The following ANO1 variants were observed in gnomAD, a reference collection of about 807,000 sequenced individuals.
The protein encoded by ANO1 is anoctamin 1, also known as anoctamin-1.
ANO1 carries 59 observed loss-of-function variants against 124.0 expected under a neutral mutation model. That is an observed-to-expected ratio of 0.48 (90% CI 0.39 to 0.59). The LOEUF (loss-of-function observed/expected upper bound fraction) is 0.59, where lower values mean the gene tolerates loss of function less well. Among genes scored for constraint, ANO1 ranks in the 20% least tolerant of loss-of-function variants. The probability of loss-of-function intolerance (pLI) is 0.00; values close to 1 mark genes in which losing one functional copy is unlikely to be tolerated. For synonymous variants in ANO1, 529 were observed against 532.0 expected (o/e 0.99, Z 0.08); for missense variants, 1,059 against 1,328.0 (o/e 0.80, Z 3.15).
At chr11:70,115,852 C>A (rs1317048466) in intron 7 of ANO1, among the ~76,000 whole-genome samples, 1 of 152,154 alleles carries the variant, frequency 6.6e-6, no homozygotes, top group African/African-American at 2.4e-5. Flanking sequence ...GGGCTTTCAA[C>A]CCTTAGACCC....
At chr11:70,145,800 G>A (rs1166894096) in intron 11 of ANO1, among the ~76,000 whole-genome samples, 3 of 152,014 alleles carry the variant, frequency 2.0e-5, no homozygotes, top group Non-Finnish European at 4.4e-5. Context: ...AGCCGGGCGT[G>A]GTGGCATGCA....
chr11:70,047,387 C>A (rs1472803163), intron 1 of ANO1, among the ~76,000 whole-genome samples: 3 of 151,966 alleles, frequency 2.0e-5, no homozygotes, highest in Admixed American at 6.6e-5. Context: ...ATTATGGCTA[C>A]AATAGATTGA....
At chr11:69,966,584 G>A in the ANO1 span, among the ~76,000 whole-genome samples, 1 of 152,210 alleles carries the variant, frequency 6.6e-6, no homozygotes, top group Non-Finnish European at 1.5e-5. Flanking sequence ...CGAGTGGGAT[G>A]GAGGAAAGAG....
intron 1 of ANO1, among the ~76,000 whole-genome samples, chr11:70,034,240 A>G (rs1298922529): frequency 3.3e-5 from 5 of 152,292 alleles, no homozygotes; most frequent in Middle Eastern, 6.8e-3. Context: ...CCCCTGACTT[A>G]TGACAAATTC....
At chr11:69,994,379 AATGGATGGATGGGTGGGTGG>A (rs1448376423) in intron 1 of ANO1, among the ~76,000 whole-genome samples, 2,153 of 82,530 alleles carry the variant, frequency 0.026, 23 homozygotes, top group Admixed American at 0.041. Flanking sequence ...TGGGTGGATG[AATGGATGGATGGGTGGGTGG>A]ATGGATAGAT....
At chr11:70,169,994 G>A (rs375269073) in intron 21 of ANO1, 5 of 365,186 alleles carry the variant, frequency 1.4e-5, no homozygotes, top group Non-Finnish European at 5.4e-6. Context: ...CCCCATGCTG[G>A]ATGCAGCATC....
At chr11:70,018,085 T>A (rs1295345046) in intron 1 of ANO1, 1 of 152,204 alleles carries the variant, frequency 6.6e-6, no homozygotes, top group Non-Finnish European at 1.5e-5. Flanking sequence ...CCAGGCATGG[T>A]GGCTCATGCC....
chr11:70,098,132 G>A (rs1253138654), intron 2 of ANO1, among the ~76,000 whole-genome samples: 7 of 152,244 alleles, frequency 4.6e-5, no homozygotes, highest in Non-Finnish European at 8.8e-5. Context: ...CAGCAGCCCC[G>A]CGTCCTCGTG....
chr11:70,149,977 C>A (rs2047538042), intron 12 of ANO1, 185 bp downstream of exon 12: 2 of 697,150 alleles, frequency 2.9e-6, no homozygotes, highest in Non-Finnish European at 5.2e-6. Flanking sequence ...GTTCCGAACA[C>A]CCTCCATGGC....
intron 12 of ANO1, among the ~76,000 whole-genome samples, chr11:70,150,898 A>G (rs1340440642): frequency 6.6e-6 from 1 of 152,080 alleles, no homozygotes; most frequent in East Asian, 1.9e-4. Flanking sequence ...TTCTCACACA[A>G]TCTGCTCCCT....
intron 2 of ANO1, among the ~76,000 whole-genome samples, chr11:70,094,247 G>T (rs1202403722): frequency 6.6e-6 from 1 of 152,190 alleles, no homozygotes; most frequent in African/African-American, 2.4e-5. Context: ...CCTGCCCGCC[G>T]CCAGGTGACC....
intron 1 of ANO1, among the ~76,000 whole-genome samples, chr11:70,001,933 C>T (rs4611234): frequency 0.38 from 56,930 of 151,528 alleles, 11,160 homozygotes; most frequent in East Asian, 0.46. Flanking sequence ...TCCAGTAGCT[C>T]GGATTACAGG....
At chr11:69,972,261 A>G in the ANO1 span, among the ~76,000 whole-genome samples, 1 of 151,394 alleles carries the variant, frequency 6.6e-6, no homozygotes, top group Admixed American at 6.6e-5. Context: ...CCAACAGGCT[A>G]CTGTTGAAAA....
intron 1 of ANO1, among the ~76,000 whole-genome samples, chr11:69,989,703 G>T (rs57331659): frequency 6.6e-6 from 1 of 152,046 alleles, no homozygotes; most frequent in Non-Finnish European, 1.5e-5. Context: ...CAGAGAAAAG[G>T]CTGATGGGCC....
At chr11:70,106,019 G>T (rs755552896) in intron 5 of ANO1, among the ~76,000 whole-genome samples, 44 of 152,142 alleles carry the variant, frequency 2.9e-4, no homozygotes, top group Non-Finnish European at 6.2e-4. Flanking sequence ...GGGAAAGCAG[G>T]AGGGAAGCCA....
chr11:70,147,425 C>T (rs1407012185), intron 11 of ANO1, among the ~76,000 whole-genome samples: 1 of 152,162 alleles, frequency 6.6e-6, no homozygotes, highest in Non-Finnish European at 1.5e-5. Context: ...TGGGGGCCTC[C>T]TGCTGGGCCC....
At chr11:70,012,065 T>C (rs1555001193) in intron 1 of ANO1, among the ~76,000 whole-genome samples, 1 of 152,108 alleles carries the variant, frequency 6.6e-6, no homozygotes, top group Non-Finnish European at 1.5e-5. Flanking sequence ...GATCTAACCA[T>C]TCATTCATCT....
chr11:69,991,571 G>A (rs1348438851), intron 1 of ANO1, among the ~76,000 whole-genome samples: 2 of 152,242 alleles, frequency 1.3e-5, no homozygotes, highest in African/African-American at 4.8e-5. Context: ...CCGATGTTCT[G>A]TGGAAATAGT....
chr11:70,182,472 G>T (rs373374893), intron 23 of ANO1, 30 bp from the exon 24 acceptor site: 2 of 1,472,754 alleles, frequency 1.4e-6, no homozygotes, highest in Non-Finnish European at 1.8e-6. Flanking sequence ...CAGGCTGGGG[G>T]TCCCCCTCAC....
Sources: allele counts gnomAD v4.1 joint callset (sites outside exome capture counted in the v4.1 genomes callset), GRCh38; gene constraint gnomAD v4.1.1; transcripts MANE v1.5; gene names NCBI Gene and HGNC (gene_info 2026-07-23, HGNC 2026-07-21).